Variants in ILKAP observed in about 807,000 individuals in gnomAD.
ILKAP encodes integrin-linked kinase-associated serine/threonine phosphatase 2C.
Under a neutral mutation model 49.1 loss-of-function variants are expected in ILKAP, and 11 were observed. That is an observed-to-expected ratio of 0.22 (90% CI 0.14 to 0.37). The LOEUF (loss-of-function observed/expected upper bound fraction) is 0.37, where lower values mean the gene tolerates loss of function less well. Ranked by LOEUF, ILKAP falls within the 10% of genes least tolerant of loss-of-function variation. ILKAP has a pLI of 1.00. For missense variants in ILKAP, 363 were observed against 510.8 expected (o/e 0.71, Z 2.79); for synonymous variants, 186 against 192.8 (o/e 0.96, Z 0.29).
rs147495338 is a variant in ILKAP, at chr2:238,184,182, T to C, written c.533-69A>G. On this transcript the variant is annotated intron_variant, in intron 6 of 11. Transcript: ENST00000254654. ...AGATTATCCTCCTCCCACTGTCATT[T>C]TGGTTTGTTTTTTGTTTTATTTTTT... is the stretch of plus-strand genomic sequence containing the variant. 1.7e-5 allele frequency: 16 copies of C among 926,690 alleles called. No homozygotes were observed. In the African/African-American group the frequency reaches 1.8e-4, roughly 10 times the overall value. 57.4% of individuals were successfully genotyped at this position (926,690 alleles called of 1,614,324 possible). A position where few individuals can be genotyped will look rare whatever the true frequency, so the allele number is the denominator to read the frequency against.
chr2:238,191,304 G>C (rs1042133980), intron 3 of ILKAP, among the ~76,000 whole-genome samples: 2 of 151,932 alleles, frequency 1.3e-5, no homozygotes, highest in Non-Finnish European at 2.9e-5. Flanking sequence ...GCTAATTTTT[G>C]TATTTTTGTA....
intron 9 of ILKAP, among the ~76,000 whole-genome samples, chr2:238,175,580 T>C (rs1693414834): frequency 6.6e-6 from 1 of 152,136 alleles, no homozygotes; most frequent in South Asian, 2.1e-4. Context: ...TTCAAATACC[T>C]GTCAGTTCAA....
At chr2:238,176,247 C>G (rs776275789) in intron 9 of ILKAP, among the ~76,000 whole-genome samples, 3 of 151,412 alleles carry the variant, frequency 2.0e-5, no homozygotes, top group Non-Finnish European at 4.4e-5. Flanking sequence ...GATCCTCCTG[C>G]CTCAACCTCC....
At chr2:238,173,966 C>T (rs1440181940) in intron 9 of ILKAP, 1 of 280,694 alleles carries the variant, frequency 3.6e-6, no homozygotes, top group Non-Finnish European at 6.7e-6. Flanking sequence ...TAGGTCCCAA[C>T]TCCAGAATCG....
In ILKAP at chr2:238,172,376, T is replaced by C. The variant is rs576450867; in HGVS notation, c.956+1158A>G. On this transcript the variant is annotated intron_variant, in intron 10 of 11. Coordinates refer to ENST00000254654, the MANE Select transcript of ILKAP (RefSeq NM_030768.3). Reference sequence around the variant, plus strand: ...CTGTTTTCCTCGTTTAACTAGGCTTTCACTCGGCCGCTACTTGCCGAGCCT... The same window carrying C: ...CTGTTTTCCTCGTTTAACTAGGCTTCCACTCGGCCGCTACTTGCCGAGCCT... Among the ~76,000 whole-genome samples the C allele has an allele frequency of 4.6e-5, 7 of 152,318 alleles. No homozygotes were observed. The South Asian group carries it at 1.5e-3, about 32-fold the overall frequency.
Position 238,170,443 on chromosome 2 carries a change from T to C in ILKAP, c.*93A>G, listed in dbSNP as rs1236786676. 1 of 1,321,304 alleles carries C rather than the reference T, an allele frequency of 7.6e-7. No homozygotes were observed. Among genetic ancestry groups the C allele is most frequent in the Non-Finnish European group, 1.0e-6 (1 of 972,830 alleles). The allele number at this position is 1,321,304 out of a possible 1,614,324, so 81.8% of individuals were successfully genotyped here. A position where few individuals can be genotyped will look rare whatever the true frequency, so the allele number is the denominator to read the frequency against. On this transcript the variant is annotated 3_prime_UTR_variant, in exon 12 of 12. Transcript: ENST00000254654. ...AAACCTTTATTTACAACCATGGGAG[T>C]CCCACAGGAGTACACAAAACACACA...
intron 10 of ILKAP, among the ~76,000 whole-genome samples, chr2:238,171,401 T>C (rs1269374676): frequency 6.6e-6 from 1 of 152,166 alleles, no homozygotes; most frequent in Middle Eastern, 3.2e-3. Context: ...CCTCAGGTGA[T>C]TCACCTGCCT....
At position 238,194,325 on chromosome 2, in the gene ILKAP, CCT is replaced by C; in HGVS notation, c.126_127del (p.Gly44ThrfsTer5). On this transcript the variant is annotated frameshift_variant, in exon 3 of 12. Transcript: ENST00000254654. LOFTEE classifies it high-confidence loss of function. ...GAGATCATCAAAAAGCAAAGGTCCC[CCT>C]GATCCTGAAACACAGCAGAACACTT... 6.2e-7 allele frequency: 1 copy of C among 1,614,058 alleles called. No homozygotes were observed. Among genetic ancestry groups the C allele is most frequent in the Non-Finnish European group, 8.5e-7 (1 of 1,179,976 alleles).
chr2:238,171,300 C>G (rs9678027), intron 10 of ILKAP, among the ~76,000 whole-genome samples: 6,350 of 151,940 alleles, frequency 0.042, 278 homozygotes, highest in East Asian at 0.16. Context: ...GCTGGGATTA[C>G]AGGTGCCCGG....
chr2:238,171,687 T>C (rs867537034), intron 10 of ILKAP, among the ~76,000 whole-genome samples: 4 of 152,234 alleles, frequency 2.6e-5, no homozygotes, highest in Admixed American at 6.5e-5. Context: ...CAAGAATTTA[T>C]AACACCATAG....
chr2:238,186,047 A>G (rs985422434), intron 5 of ILKAP: 1 of 152,258 alleles, frequency 6.6e-6, no homozygotes, highest in Non-Finnish European at 1.5e-5. Context: ...GGTTTTAAAC[A>G]TTAACAAACA....
Position 238,170,501 on chromosome 2 carries a change from C to A in ILKAP, c.*35G>T. Reference sequence around the variant, plus strand: ...CACACACAAAATGAACCTTTTAAGTCAATACCATGCGTGCTCCTGGCCGCG... The same window carrying A: ...CACACACAAAATGAACCTTTTAAGTAAATACCATGCGTGCTCCTGGCCGCG... On this transcript the variant is annotated 3_prime_UTR_variant, in exon 12 of 12. Coordinates refer to ENST00000254654, the MANE Select transcript of ILKAP (RefSeq NM_030768.3). The A allele has an allele frequency of 6.4e-7, 1 of 1,565,122 alleles. No individual in the cohort carries two copies. Among genetic ancestry groups the A allele is most frequent in the South Asian group, 1.2e-5 (1 of 85,972 alleles).
At chr2:238,192,618 T>C (rs1179266851) in intron 3 of ILKAP, among the ~76,000 whole-genome samples, 1 of 150,326 alleles carries the variant, frequency 6.7e-6, no homozygotes, top group Non-Finnish European at 1.5e-5. Context: ...CAGAATGGCA[T>C]GAACCTGGGA....
chr2:238,198,331 T>C (rs1694430902), intron 1 of ILKAP, among the ~76,000 whole-genome samples: 1 of 152,104 alleles, frequency 6.6e-6, no homozygotes, highest in African/African-American at 2.4e-5. Flanking sequence ...CCCAACCTTC[T>C]GGGCTCAAGC....
chr2:238,201,730 G>A (rs1000713740), intron 1 of ILKAP, among the ~76,000 whole-genome samples: 1 of 152,214 alleles, frequency 6.6e-6, no homozygotes, highest in Non-Finnish European at 1.5e-5. Context: ...AAGACTCATA[G>A]GTTTACACGC....
intron 3 of ILKAP, among the ~76,000 whole-genome samples, chr2:238,190,297 A>G (rs1047581273): frequency 2.0e-5 from 3 of 152,170 alleles, no homozygotes; most frequent in African/African-American, 7.2e-5. Flanking sequence ...ACAGGCTCTT[A>G]GTGTTAAACA....
At chr2:238,183,467 C>T (rs183415416) in intron 8 of ILKAP, among the ~76,000 whole-genome samples, 186 bp downstream of exon 8, 46 of 152,318 alleles carry the variant, frequency 3.0e-4, no homozygotes, top group Admixed American at 2.9e-3. Context: ...AGAGAACAAA[C>T]AGCCTCTAGC....
chr2:238,199,258 A>T (rs1441560943), intron 1 of ILKAP, among the ~76,000 whole-genome samples: 1 of 152,228 alleles, frequency 6.6e-6, no homozygotes, highest in Non-Finnish European at 1.5e-5. Flanking sequence ...GTGACGCCAC[A>T]ATCAACAATC....
At chr2:238,198,147 TCTAA>T (rs1694421037) in intron 1 of ILKAP, among the ~76,000 whole-genome samples, 1 of 152,074 alleles carries the variant, frequency 6.6e-6, no homozygotes, top group Non-Finnish European at 1.5e-5. Flanking sequence ...ATCAAAAGAA[TCTAA>T]CTTAGAAGTC....
Sources: gnomAD v4.1 joint callset for allele counts (sites outside exome capture counted in the v4.1 genomes callset) on GRCh38, gnomAD v4.1.1 for gene constraint, MANE v1.5 for transcripts, NCBI Gene and HGNC (gene_info 2026-07-23, HGNC 2026-07-21) for gene names.